SOX5: variants seen among roughly 807,000 people sequenced by gnomAD.
SOX5 encodes transcription factor SOX-5.
SOX5 carries 9 observed loss-of-function variants against 92.0 expected under a neutral mutation model. The observed-to-expected ratio is 0.10, with a 90% CI of 0.06 to 0.17. The LOEUF (loss-of-function observed/expected upper bound fraction) is 0.17, where lower values mean the gene tolerates loss of function less well. Ranked by LOEUF, SOX5 falls within the 10% of genes least tolerant of loss-of-function variation. SOX5 has a pLI of 1.00. For missense variants in SOX5, 642 were observed against 944.5 expected (o/e 0.68, Z 4.20); for synonymous variants, 344 against 336.3 (o/e 1.02, Z -0.25).
intron 4 of SOX5, among the ~76,000 whole-genome samples, chr12:24,134,043 G>A (rs1949896846): frequency 6.6e-6 from 1 of 152,050 alleles, no homozygotes; most frequent in Admixed American, 6.6e-5. Context: ...ACCTCTTCTT[G>A]TGAATTCTAA....
intron 4 of SOX5, among the ~76,000 whole-genome samples, chr12:23,995,831 C>CA (rs1950982644): frequency 6.6e-6 from 1 of 152,294 alleles, no homozygotes; most frequent in African/African-American, 2.4e-5. Flanking sequence ...AAAAAATTTT[C>CA]AGGTCTGGAT....
chr12:24,254,074 C>T (rs1387181687), intron 3 of SOX5, among the ~76,000 whole-genome samples: 1 of 152,166 alleles, frequency 6.6e-6, no homozygotes, highest in Non-Finnish European at 1.5e-5. Flanking sequence ...ACATCATCAT[C>T]ATCATCCATT....
chr12:23,767,344 G>T (rs1424575451), intron 3 of SOX5, among the ~76,000 whole-genome samples: 2 of 152,080 alleles, frequency 1.3e-5, no homozygotes, highest in African/African-American at 4.8e-5. Flanking sequence ...TGAGGTGTCA[G>T]CCAAATGACC....
chr12:24,505,667 A>C (rs990709183), intron 1 of SOX5, among the ~76,000 whole-genome samples: 2 of 152,220 alleles, frequency 1.3e-5, no homozygotes, highest in African/African-American at 4.8e-5. Context: ...GTGGATCAAA[A>C]AGCAATTTTT....
chr12:24,362,269 C>T (rs1220196447), intron 2 of SOX5, among the ~76,000 whole-genome samples: 1 of 152,030 alleles, frequency 6.6e-6, no homozygotes, highest in Non-Finnish European at 1.5e-5. Context: ...CCTTCAATAT[C>T]ACAGCCAAAA....
chr12:23,545,264 T>G, intron 12 of SOX5, among the ~76,000 whole-genome samples: 1 of 152,180 alleles, frequency 6.6e-6, no homozygotes. Flanking sequence ...CTTCTCTATA[T>G]GCAGGGAACT....
At chr12:23,549,534 C>T (rs2136125608) in intron 11 of SOX5, among the ~76,000 whole-genome samples, 1 of 152,096 alleles carries the variant, frequency 6.6e-6, no homozygotes. Flanking sequence ...GATTGGTCTT[C>T]TCTCCTTTAC....
intron 4 of SOX5, among the ~76,000 whole-genome samples, chr12:24,161,457 C>G (rs1394531180): frequency 6.6e-6 from 1 of 151,942 alleles, no homozygotes; most frequent in South Asian, 2.1e-4. Flanking sequence ...TTTATTAGAG[C>G]AGAGAGTATA....
chr12:23,960,532 T>TAC (rs1555451985), intron 4 of SOX5, among the ~76,000 whole-genome samples: 384 of 31,498 alleles, frequency 0.012, 7 homozygotes, highest in African/African-American at 5.7e-3. Context: ...TATATATACA[T>TAC]ATATATATAT....
At chr12:23,578,318 A>G (rs1565986129) in intron 9 of SOX5, among the ~76,000 whole-genome samples, 1 of 150,006 alleles carries the variant, frequency 6.7e-6, no homozygotes, top group Non-Finnish European at 1.5e-5. Context: ...GACTAGCACC[A>G]TAAGCACACC....
chr12:24,335,972 C>CATCTATATATATATATATATATATATAT (rs1555235767), intron 2 of SOX5, among the ~76,000 whole-genome samples: 1 of 58,612 alleles, frequency 1.7e-5, no homozygotes, highest in Non-Finnish European at 3.1e-5. Context: ...GAAATGCTAT[C>CATCTATATATATATATATATATATATAT]ATATATATAT....
intron 3 of SOX5, among the ~76,000 whole-genome samples, chr12:23,841,108 A>G (rs2096508610): frequency 6.6e-6 from 1 of 152,128 alleles, no homozygotes; most frequent in African/African-American, 2.4e-5. Flanking sequence ...TGTATACAAA[A>G]TATACTAAGA....
chr12:23,881,020 T>C (rs1242935129), intron 2 of SOX5, among the ~76,000 whole-genome samples: 1 of 152,146 alleles, frequency 6.6e-6, no homozygotes, highest in Non-Finnish European at 1.5e-5. Context: ...TAAAAACAGC[T>C]ACTGTCTAAC....
chr12:23,559,058 C>T (rs773064136), intron 11 of SOX5, among the ~76,000 whole-genome samples: 7 of 152,160 alleles, frequency 4.6e-5, no homozygotes, highest in Admixed American at 2.0e-4. Flanking sequence ...TTTCTCATTT[C>T]GGCTGAGTGC....
intron 1 of SOX5, among the ~76,000 whole-genome samples, chr12:23,936,578 A>G (rs988453972): frequency 6.6e-6 from 1 of 150,812 alleles, no homozygotes; most frequent in Admixed American, 6.6e-5. Context: ...TTGCTACCAT[A>G]CTGAGCTATG....
intron 4 of SOX5, among the ~76,000 whole-genome samples, chr12:24,025,031 A>C (rs893881230): frequency 6.6e-6 from 1 of 152,064 alleles, no homozygotes; most frequent in African/African-American, 2.4e-5. Context: ...TCTTTTACTA[A>C]ATTTTAAACT....
At chr12:23,536,416 G>A in intron 14 of SOX5, 37 bp downstream of exon 14, 1 of 1,508,996 alleles carries the variant, frequency 6.6e-7, no homozygotes, top group Non-Finnish European at 9.2e-7. Context: ...ATAACAGGAA[G>A]TTTGCCCCAT....
intron 2 of SOX5, among the ~76,000 whole-genome samples, chr12:24,297,861 T>C (rs1431052012): frequency 1.3e-5 from 2 of 152,192 alleles, no homozygotes; most frequent in Admixed American, 1.3e-4. Context: ...GCATCCAACA[T>C]CAATGCGCTC....
intron 9 of SOX5, among the ~76,000 whole-genome samples, chr12:23,589,323 G>C (rs1226281642): frequency 1.3e-5 from 2 of 151,872 alleles, no homozygotes; most frequent in African/African-American, 4.8e-5. Flanking sequence ...TACAGGCTGT[G>C]CCTTTCATTT....
Sources: gnomAD v4.1 joint callset for allele counts (sites outside exome capture counted in the v4.1 genomes callset) on GRCh38, gnomAD v4.1.1 for gene constraint, MANE v1.5 for transcripts, NCBI Gene and HGNC (gene_info 2026-07-23, HGNC 2026-07-21) for gene names.